HYAL4: variants seen among roughly 807,000 people sequenced by gnomAD.
HYAL4 encodes the protein hyaluronidase-4.
HYAL4 carries 37 observed loss-of-function variants against 35.2 expected under a neutral mutation model. That is an observed-to-expected ratio of 1.05 (90% CI 0.81 to 1.38). The LOEUF (loss-of-function observed/expected upper bound fraction) is 1.38. Ranked by LOEUF, HYAL4 falls within the 40% of genes most tolerant of loss-of-function variation. The pLI, the probability that HYAL4 is intolerant of heterozygous loss-of-function variation, is 0.00. For missense variants in HYAL4, 572 were observed against 572.4 expected, an observed-to-expected ratio of 1.00 and a Z score of 0.01; for synonymous variants, 198 against 203.2, an observed-to-expected ratio of 0.97 and a Z score of 0.22.
intron 3 of HYAL4, among the ~76,000 whole-genome samples, chr7:123,870,537 G>A (rs1365371134): frequency 6.6e-6 from 1 of 152,138 alleles, no homozygotes; most frequent in Non-Finnish European, 1.5e-5. Context: ...GTTGAGGCAG[G>A]TGGATCACAA....
chr7:123,822,284 TTATCTTTTATTTA>T, the HYAL4 span, among the ~76,000 whole-genome samples: 6 of 152,230 alleles, frequency 3.9e-5, no homozygotes, highest in Middle Eastern at 3.4e-3. Flanking sequence ...TAAACATAGG[TTATCTTTTATTTA>T]TGTCTCTTTT....
intron 1 of HYAL4, among the ~76,000 whole-genome samples, chr7:123,830,287 C>A (rs1263763790): frequency 6.6e-6 from 1 of 151,984 alleles, no homozygotes; most frequent in Non-Finnish European, 1.5e-5. Context: ...AATAAAAAAT[C>A]AAAATTTAAA....
At chr7:123,869,938 C>T (rs910758320) in intron 3 of HYAL4, among the ~76,000 whole-genome samples, 1 of 151,862 alleles carries the variant, frequency 6.6e-6, no homozygotes, top group Non-Finnish European at 1.5e-5. Flanking sequence ...GATCCACCCT[C>T]CTCGGCCTCC....
chr7:123,779,129 T>C, the HYAL4 span, among the ~76,000 whole-genome samples: 1 of 152,186 alleles, frequency 6.6e-6, no homozygotes, highest in Non-Finnish European at 1.5e-5. Context: ...CTAAACTTTA[T>C]TGTTATTTTA....
chr7:123,793,324 A>G, the HYAL4 span, among the ~76,000 whole-genome samples: 1 of 152,196 alleles, frequency 6.6e-6, no homozygotes, highest in African/African-American at 2.4e-5. Flanking sequence ...TTGTCTCTAA[A>G]TATTTTACCC....
chr7:123,769,800 A>G, the HYAL4 span, among the ~76,000 whole-genome samples: 1 of 151,308 alleles, frequency 6.6e-6, no homozygotes. Flanking sequence ...GCTGCCTCAA[A>G]TCTGTAAGTG....
the HYAL4 span, among the ~76,000 whole-genome samples, chr7:123,773,426 TA>T: frequency 6.6e-6 from 1 of 152,226 alleles, no homozygotes; most frequent in South Asian, 2.1e-4. Flanking sequence ...AAGATAAGAA[TA>T]AATTAATTGC....
intron 2 of HYAL4, among the ~76,000 whole-genome samples, chr7:123,857,441 C>A (rs776556521): frequency 2.2e-4 from 34 of 152,048 alleles, no homozygotes; most frequent in Non-Finnish European, 4.1e-4. Context: ...GGAGGGAATT[C>A]TCCAACCCCT....
At chr7:123,823,024 A>G in the HYAL4 span, among the ~76,000 whole-genome samples, 5 of 152,060 alleles carry the variant, frequency 3.3e-5, no homozygotes, top group African/African-American at 1.2e-4. Context: ...TCCTTGTGTT[A>G]TTTCTGATGT....
At chr7:123,767,324 GTTTGT>G in the HYAL4 span, among the ~76,000 whole-genome samples, 6 of 152,092 alleles carry the variant, frequency 3.9e-5, no homozygotes, top group East Asian at 1.9e-4. Flanking sequence ...TATTGTTGTT[GTTTGT>G]TTTGTTTTGT....
chr7:123,766,801 A>G, the HYAL4 span, among the ~76,000 whole-genome samples: 1 of 152,330 alleles, frequency 6.6e-6, no homozygotes. Flanking sequence ...ATAAAATAAC[A>G]TATTTCTCCC....
At chr7:123,777,413 C>A in the HYAL4 span, among the ~76,000 whole-genome samples, 1 of 152,022 alleles carries the variant, frequency 6.6e-6, no homozygotes, top group Non-Finnish European at 1.5e-5. Flanking sequence ...CTTTTTACTT[C>A]ATTTTAATGT....
chr7:123,850,282 C>G (rs1424284722), intron 2 of HYAL4, among the ~76,000 whole-genome samples: 1 of 152,150 alleles, frequency 6.6e-6, no homozygotes, highest in African/African-American at 2.4e-5. Flanking sequence ...CACTCTGTCA[C>G]TCAGGATGGA....
intron 3 of HYAL4, among the ~76,000 whole-genome samples, chr7:123,873,879 C>A (rs1020553309): frequency 6.6e-6 from 1 of 152,242 alleles, no homozygotes; most frequent in African/African-American, 2.4e-5. Flanking sequence ...TAAATAAAAC[C>A]CATTAGGTCA....
chr7:123,869,936 C>A (rs1049447047), intron 3 of HYAL4, among the ~76,000 whole-genome samples: 3 of 151,848 alleles, frequency 2.0e-5, no homozygotes, highest in Non-Finnish European at 4.4e-5. Context: ...GTGATCCACC[C>A]TCCTCGGCCT....
At chr7:123,770,251 G>A in the HYAL4 span, among the ~76,000 whole-genome samples, 1 of 152,026 alleles carries the variant, frequency 6.6e-6, no homozygotes, top group Admixed American at 6.5e-5. Context: ...GACCATCCTG[G>A]CTAACACCGT....
intron 1 of HYAL4, among the ~76,000 whole-genome samples, chr7:123,834,751 C>G (rs1805937734): frequency 1.3e-5 from 2 of 152,046 alleles, no homozygotes; most frequent in Admixed American, 1.3e-4. Flanking sequence ...TGAGGTATGT[C>G]CCTTATATGC....
upstream of HYAL4, among the ~76,000 whole-genome samples, chr7:123,825,126 C>A (rs75122592): frequency 0.038 from 5,825 of 151,314 alleles, 167 homozygotes; most frequent in Non-Finnish European, 0.055. Flanking sequence ...CTCTCTCTCT[C>A]TATATATATA....
At chr7:123,818,155 G>A in the HYAL4 span, among the ~76,000 whole-genome samples, 1 of 152,178 alleles carries the variant, frequency 6.6e-6, no homozygotes, top group Admixed American at 6.6e-5. Flanking sequence ...GAGATTACAG[G>A]CGTGAGCCAC....
Sources: allele counts gnomAD v4.1 joint callset (sites outside exome capture counted in the v4.1 genomes callset), GRCh38; gene constraint gnomAD v4.1.1; transcripts MANE v1.5; gene names NCBI Gene and HGNC (gene_info 2026-07-23, HGNC 2026-07-21).